WDR49: variants seen among roughly 807,000 people sequenced by gnomAD.
The protein encoded by WDR49 is WD repeat domain 49.
In WDR49, 107 loss-of-function variants were observed where a neutral mutation model predicts 119.5. That is an observed-to-expected ratio of 0.90 (90% CI 0.77 to 1.05). WDR49 has a LOEUF of 1.05. Among genes scored for constraint, WDR49 ranks in the 50% least tolerant of loss-of-function variants. The probability of loss-of-function intolerance (pLI) is 0.00; values close to 1 mark genes in which losing one functional copy is unlikely to be tolerated. For missense variants in WDR49, 1,240 were observed against 1,220.5 expected (o/e 1.02, Z -0.24); for synonymous variants, 425 against 418.8 (o/e 1.01, Z -0.18).
intron 2 of WDR49, among the ~76,000 whole-genome samples, chr3:167,629,373 G>A (rs796174373): frequency 3.9e-5 from 6 of 152,044 alleles, no homozygotes; most frequent in African/African-American, 7.2e-5. Flanking sequence ...CTGCTAAGAC[G>A]TACTGCTTTG....
chr3:167,544,891 G>A (rs887424562), intron 10 of WDR49, among the ~76,000 whole-genome samples: 2 of 151,868 alleles, frequency 1.3e-5, no homozygotes, highest in African/African-American at 4.8e-5. Flanking sequence ...GACATTATCA[G>A]CAGAGTAAAC....
At chr3:167,481,354 A>G (rs1340124575) in intron 18 of WDR49, among the ~76,000 whole-genome samples, 1 of 152,156 alleles carries the variant, frequency 6.6e-6, no homozygotes, top group Non-Finnish European at 1.5e-5. Flanking sequence ...GAGGAGATGA[A>G]GACACAAGAG....
intron 8 of WDR49, among the ~76,000 whole-genome samples, chr3:167,565,437 T>A (rs1267971713): frequency 2.0e-5 from 3 of 151,544 alleles, no homozygotes; most frequent in Non-Finnish European, 2.9e-5. Flanking sequence ...CATGTGTATA[T>A]ATGTAATATA....
intron 16 of WDR49, among the ~76,000 whole-genome samples, chr3:167,521,938 A>G (rs1752453390): frequency 6.6e-6 from 1 of 151,790 alleles, no homozygotes; most frequent in Non-Finnish European, 1.5e-5. Flanking sequence ...TATCAAAACC[A>G]GGAGTAAAAT....
chr3:167,656,678 T>C (rs931069102), upstream of WDR49, among the ~76,000 whole-genome samples: 3 of 152,200 alleles, frequency 2.0e-5, no homozygotes, highest in East Asian at 1.9e-4. Flanking sequence ...ACATTAGAAA[T>C]AATTCTTGAT....
At chr3:167,541,266 C>CA (rs1402474672) in intron 10 of WDR49, among the ~76,000 whole-genome samples, 1 of 151,954 alleles carries the variant, frequency 6.6e-6, no homozygotes, top group Non-Finnish European at 1.5e-5. Flanking sequence ...TATCTAAAGT[C>CA]AAACAAAGGA....
chr3:167,646,442 C>T (rs1340799020), intron 2 of WDR49, among the ~76,000 whole-genome samples: 1 of 152,072 alleles, frequency 6.6e-6, no homozygotes, highest in Non-Finnish European at 1.5e-5. Flanking sequence ...CTCCTTGCCA[C>T]AAATATATGT....
intron 18 of WDR49, among the ~76,000 whole-genome samples, chr3:167,480,025 G>T (rs2108184605): frequency 6.6e-6 from 1 of 152,050 alleles, no homozygotes; most frequent in Non-Finnish European, 1.5e-5. Flanking sequence ...GAGGTCAGGA[G>T]TTCGAGACTA....
At chr3:167,529,988 GC>G (rs1367085958) in intron 13 of WDR49, among the ~76,000 whole-genome samples, 1 of 151,994 alleles carries the variant, frequency 6.6e-6, no homozygotes, top group African/African-American at 2.4e-5. Context: ...ATAACATGTA[GC>G]TGCTTCAGTG....
intron 8 of WDR49, among the ~76,000 whole-genome samples, 154 bp downstream of exon 8, chr3:167,575,764 A>G (rs1447880096): frequency 2.0e-5 from 3 of 152,240 alleles, no homozygotes; most frequent in Non-Finnish European, 2.9e-5. Flanking sequence ...CTGAATGTAT[A>G]TTATTGCAGA....
At chr3:167,635,389 C>G (rs1717564212) in intron 2 of WDR49, among the ~76,000 whole-genome samples, 3 of 151,762 alleles carry the variant, frequency 2.0e-5, no homozygotes, top group African/African-American at 7.2e-5. Context: ...AAGTATAGTT[C>G]TATTAGTAAT....
chr3:167,643,693 A>G (rs770963463), intron 2 of WDR49, among the ~76,000 whole-genome samples: 2 of 152,092 alleles, frequency 1.3e-5, no homozygotes, highest in Non-Finnish European at 2.9e-5. Context: ...ATAGCCCTCC[A>G]TAAAGGAAGG....
intron 18 of WDR49, among the ~76,000 whole-genome samples, chr3:167,484,614 T>A (rs1750852695): frequency 6.6e-6 from 1 of 151,278 alleles, no homozygotes; most frequent in Non-Finnish European, 1.5e-5. Flanking sequence ...CAATATGAAG[T>A]CCTGCTGATT....
chr3:167,554,608 T>C, intron 10 of WDR49, 42 bp downstream of exon 10: 1 of 1,313,488 alleles, frequency 7.6e-7, no homozygotes. Context: ...TGTTCTTTTT[T>C]CTTTTAGATT....
chr3:167,632,528 C>A (rs190683105), intron 2 of WDR49, among the ~76,000 whole-genome samples: 122 of 152,002 alleles, frequency 8.0e-4, no homozygotes, highest in Middle Eastern at 3.4e-3. Flanking sequence ...TATGTTTTTG[C>A]CATACCTCCA....
At chr3:167,528,466 C>A (rs1752717242) in intron 14 of WDR49, among the ~76,000 whole-genome samples, 1 of 151,720 alleles carries the variant, frequency 6.6e-6, no homozygotes, top group African/African-American at 2.4e-5. Flanking sequence ...AATCTCATTG[C>A]AGATAAGGTG....
At chr3:167,591,860 G>A (rs4632543) in intron 7 of WDR49, among the ~76,000 whole-genome samples, 5 of 151,818 alleles carry the variant, frequency 3.3e-5, no homozygotes, top group Non-Finnish European at 2.9e-5. Context: ...CTGCTATGTC[G>A]TTTGATTGGA....
chr3:167,562,368 A>G (rs944276074), intron 8 of WDR49, among the ~76,000 whole-genome samples: 2 of 152,166 alleles, frequency 1.3e-5, no homozygotes, highest in African/African-American at 4.8e-5. Flanking sequence ...ACTGAAAGAC[A>G]GGGCCATGAT....
chr3:167,560,450 T>A (rs933962132), intron 8 of WDR49, among the ~76,000 whole-genome samples: 1 of 152,200 alleles, frequency 6.6e-6, no homozygotes, highest in Non-Finnish European at 1.5e-5. Flanking sequence ...AAGATAGTAA[T>A]CTGCTTTCCT....
Sources: allele counts gnomAD v4.1 joint callset (sites outside exome capture counted in the v4.1 genomes callset), GRCh38; gene constraint gnomAD v4.1.1; transcripts MANE v1.5; gene names NCBI Gene and HGNC (gene_info 2026-07-23, HGNC 2026-07-21).